INPP5A: variants seen among roughly 807,000 people sequenced by gnomAD.
INPP5A encodes inositol polyphosphate-5-phosphatase A.
A neutral mutation model predicts 65.2 loss-of-function variants in INPP5A; 14 were observed. That is an observed-to-expected ratio of 0.21 (90% CI 0.14 to 0.34). The LOEUF is 0.34. Ranked by LOEUF, INPP5A falls within the 10% of genes least tolerant of loss-of-function variation. The probability of loss-of-function intolerance (pLI) is 1.00; values close to 1 mark genes in which losing one functional copy is unlikely to be tolerated. For synonymous variants in INPP5A, 207 were observed against 208.3 expected (o/e 0.99, Z 0.05); for missense variants, 431 against 545.6 (o/e 0.79, Z 2.09).
intron 4 of INPP5A, among the ~76,000 whole-genome samples, chr10:132,660,778 G>A (rs1361706354): frequency 6.6e-6 from 1 of 152,230 alleles, no homozygotes; most frequent in Non-Finnish European, 1.5e-5. Context: ...AGTCAGAACT[G>A]GGGGAAGATG....
intron 9 of INPP5A, among the ~76,000 whole-genome samples, chr10:132,732,787 C>T (rs920287004): frequency 2.0e-5 from 3 of 152,148 alleles, no homozygotes; most frequent in Admixed American, 6.5e-5. Context: ...TCCTGTGGGC[C>T]GCAGACACGT....
intron 12 of INPP5A, among the ~76,000 whole-genome samples, chr10:132,775,188 G>GATGGGCAAGGAGGAGGGGCAGGGA (rs1847040258): frequency 5.7e-4 from 1 of 1,750 alleles, no homozygotes; most frequent in African/African-American, 2.3e-3. Flanking sequence ...CAGGGAGAGA[G>GATGGGCAAGGAGGAGGGGCAGGGA]GGAGGGGCAG....
chr10:132,653,109 A>G (rs2072600178), intron 4 of INPP5A, among the ~76,000 whole-genome samples: 1 of 152,210 alleles, frequency 6.6e-6, no homozygotes, highest in South Asian at 2.1e-4. Flanking sequence ...GGCCCTGGCC[A>G]GAGCAGGCCT....
chr10:132,541,082 C>T (rs1018672215), intron 1 of INPP5A, among the ~76,000 whole-genome samples: 3 of 146,282 alleles, frequency 2.1e-5, no homozygotes, highest in East Asian at 2.0e-4. Flanking sequence ...CAGCCTCGAC[C>T]GCCCTGACTC....
intron 3 of INPP5A, among the ~76,000 whole-genome samples, chr10:132,647,195 A>G (rs1051536741): frequency 6.6e-6 from 1 of 150,498 alleles, no homozygotes; most frequent in African/African-American, 2.5e-5. Flanking sequence ...AGCTCACTGC[A>G]AGCACCGCCT....
intron 12 of INPP5A, among the ~76,000 whole-genome samples, chr10:132,772,344 A>T: frequency 2.6e-5 from 1 of 38,912 alleles, no homozygotes; most frequent in Non-Finnish European, 5.6e-5. Flanking sequence ...CAGAGGCCAC[A>T]GCAGCCACCC....
In INPP5A at chr10:132,698,806, G is replaced by A. The variant is rs545060430; in HGVS notation, c.474+887G>A. ...GCAGCCCCAAGAAGGATTGCTCTGC[G>A]GTCCTGTCTCCACGAGAGCTGTGCA... is the stretch of plus-strand genomic sequence containing the variant. On this transcript the variant is annotated intron_variant, in intron 6 of 15. Transcript: ENST00000368594. The surrounding 1 kb of genome is among the most constrained non-coding windows in gnomAD (Gnocchi z 5.5). Among the ~76,000 whole-genome samples the A allele has an allele frequency of 3.3e-5, 5 of 152,350 alleles. No homozygotes were observed. The highest frequency in any genetic ancestry group is 1.3e-4 in the Admixed American group (2 of 15,310).
chr10:132,665,095 C>T (rs1204497268), intron 4 of INPP5A, among the ~76,000 whole-genome samples: 2 of 152,216 alleles, frequency 1.3e-5, no homozygotes, highest in Non-Finnish European at 2.9e-5. Flanking sequence ...CATGAGGGCA[C>T]CCCCAGACTG....
chr10:132,680,938 G>A (rs1195584631), intron 4 of INPP5A, among the ~76,000 whole-genome samples: 4 of 152,226 alleles, frequency 2.6e-5, no homozygotes, highest in East Asian at 3.8e-4. Context: ...CCTCCCACCC[G>A]CTCCGTGGGC....
In INPP5A at chr10:132,650,562, C is replaced by T; in HGVS notation, c.306+57C>T. The stretch of plus-strand genomic sequence containing the variant: ...CAGACAGGCTGGCCTTGGCAGAAGC[C>T]AGCCCTTCTCCTGTGTAAATGGAGA... On this transcript the variant is annotated intron_variant, in intron 4 of 15. Transcript: ENST00000368594. The surrounding 1 kb of genome is among the most constrained non-coding windows in gnomAD (Gnocchi z 5.5). 4 of 1,248,080 alleles carry T rather than the reference C, an allele frequency of 3.2e-6. No homozygotes were observed. The East Asian group carries it at 6.9e-5, about 22-fold the overall frequency. The allele number at this position is 1,248,080 out of a possible 1,614,324, so 77.3% of individuals were successfully genotyped here.
At chr10:132,645,841 C>G (rs1435765464) in intron 2 of INPP5A, 27 bp from the exon 3 acceptor site, 2 of 1,576,888 alleles carry the variant, frequency 1.3e-6, no homozygotes, top group Non-Finnish European at 1.7e-6. Flanking sequence ...CTCCGACGAC[C>G]CTGACAGTGT....
At chr10:132,735,735 C>T (rs1447970128) in intron 9 of INPP5A, among the ~76,000 whole-genome samples, 2 of 152,236 alleles carry the variant, frequency 1.3e-5, no homozygotes, top group Admixed American at 1.3e-4. Flanking sequence ...ATCTCCACAG[C>T]AATGGGAGGC....
Position 132,698,490 on chromosome 10 carries a change from C to A in INPP5A, c.474+571C>A, listed in dbSNP as rs1845381711. 6.6e-6 allele frequency among the ~76,000 whole-genome samples: 1 copy of A among 152,256 alleles called. No homozygotes were observed. The highest frequency in any genetic ancestry group is 2.4e-5 in the African/African-American group (1 of 41,470). ...GGTGTTGATGAGAAATTGGTGTTTC[C>A]TTCTGGCGGCCATGCACTTTGCTGA... On this transcript the variant is annotated intron_variant, in intron 6 of 15. Transcript: ENST00000368594. This position sits in a 1 kb window ranked among gnomAD's most constrained non-coding sequence, Gnocchi z 5.5.
intron 9 of INPP5A, among the ~76,000 whole-genome samples, chr10:132,733,134 G>A (rs1165065017): frequency 1.3e-5 from 2 of 152,150 alleles, no homozygotes; most frequent in African/African-American, 4.8e-5. Flanking sequence ...CCATCCTCAT[G>A]TGGCCTTTTC....
rs142567256 is a variant in INPP5A at position 132,756,552 on chromosome 10, G to A, written c.903+6707G>A. Among the ~76,000 whole-genome samples, 422 of 152,338 alleles carry A rather than the reference G, an allele frequency of 2.8e-3. 4 individuals carry two copies. The highest frequency in any genetic ancestry group is 4.3e-3 in the Non-Finnish European group (291 of 68,034). On this transcript the variant is annotated intron_variant, in intron 11 of 15. Transcript: ENST00000368594. ...GTGATGTAACTGTTGTGACATCACA[G>A]CGTGGCGGCACTGGTGTGAAGGAGC...
At chr10:132,600,622 CTG>C (rs1265302898) in intron 1 of INPP5A, among the ~76,000 whole-genome samples, 2 of 152,358 alleles carry the variant, frequency 1.3e-5, no homozygotes, top group Admixed American at 6.5e-5. Context: ...TACCCCACTC[CTG>C]GTACCAATTT....
rs144958317 is a variant in INPP5A, at chr10:132,647,690, C to T, written c.218+1722C>T. 1.9e-3 allele frequency among the ~76,000 whole-genome samples: 283 copies of T among 152,186 alleles called. 2 individuals carry two copies. The highest frequency in any genetic ancestry group is 6.0e-3 in the African/African-American group (251 of 41,512). ...GGAGTCGAGGCCCCACCCAGACCCT[C>T]GCGGCTGCCTTGGAGGAGGGTGGGT... On this transcript the variant is annotated intron_variant, in intron 3 of 15. Transcript: ENST00000368594.
At chr10:132,767,818 G>A (rs1846877132) in intron 12 of INPP5A, among the ~76,000 whole-genome samples, 9 of 146,396 alleles carry the variant, frequency 6.1e-5, no homozygotes, top group East Asian at 2.1e-4. Flanking sequence ...CACGCGCCCA[G>A]TGGCATTCCA....
intron 2 of INPP5A, among the ~76,000 whole-genome samples, chr10:132,641,686 A>G (rs749419838): frequency 1.3e-5 from 2 of 152,240 alleles, no homozygotes; most frequent in Admixed American, 6.5e-5. Context: ...TGGAGGAACA[A>G]TAGCATCATC....
Sources: gnomAD v4.1 joint callset for allele counts (sites outside exome capture counted in the v4.1 genomes callset) on GRCh38, gnomAD v4.1.1 for gene constraint, Gnocchi (gnomAD v3.1) non-coding constraint, MANE v1.5 for transcripts, NCBI Gene and HGNC (gene_info 2026-07-23, HGNC 2026-07-21) for gene names.